The following KCNIP4 variants were observed in gnomAD, a reference collection of about 807,000 sequenced individuals.
The protein encoded by KCNIP4 is potassium voltage-gated channel interacting protein 4.
In KCNIP4, 12 loss-of-function variants were observed where a neutral mutation model predicts 34.0. That is an observed-to-expected ratio of 0.35 (90% CI 0.23 to 0.57). The LOEUF is 0.57. Among genes scored for constraint, KCNIP4 ranks in the 20% least tolerant of loss-of-function variants. The pLI is 0.83. For synonymous variants in KCNIP4, 124 were observed against 102.2 expected (o/e 1.21, Z -1.29); for missense variants, 238 against 311.7 (o/e 0.76, Z 1.78).
chr4:21,235,430 G>A (rs991040598), intron 1 of KCNIP4, among the ~76,000 whole-genome samples: 2 of 152,078 alleles, frequency 1.3e-5, no homozygotes, highest in African/African-American at 4.8e-5. Context: ...CATTTGGCGA[G>A]TGCTTCTGCT....
At chr4:21,091,283 G>GA (rs1746973461) in intron 1 of KCNIP4, among the ~76,000 whole-genome samples, 2 of 152,036 alleles carry the variant, frequency 1.3e-5, no homozygotes, top group South Asian at 4.1e-4. Context: ...AATATGGCAG[G>GA]AAAAATAAAA....
At chr4:21,255,800 G>T (rs984394893) in intron 1 of KCNIP4, among the ~76,000 whole-genome samples, 1 of 152,080 alleles carries the variant, frequency 6.6e-6, no homozygotes, top group East Asian at 1.9e-4. Context: ...ACATTGACGC[G>T]GTCCCCAATG....
intron 1 of KCNIP4, among the ~76,000 whole-genome samples, chr4:21,654,645 C>G (rs1041540173): frequency 6.6e-6 from 1 of 152,044 alleles, no homozygotes; most frequent in African/African-American, 2.4e-5. Context: ...AAAACTGGGC[C>G]GGGTATGGTG....
chr4:21,333,669 A>T (rs979063523), intron 1 of KCNIP4, among the ~76,000 whole-genome samples: 5 of 151,680 alleles, frequency 3.3e-5, no homozygotes, highest in African/African-American at 1.2e-4. Context: ...TAACCATTAA[A>T]TTTTTTTCCA....
chr4:21,675,147 T>A (rs1211619235), intron 1 of KCNIP4, among the ~76,000 whole-genome samples: 1 of 152,088 alleles, frequency 6.6e-6, no homozygotes, highest in African/African-American at 2.4e-5. Context: ...ATTTGTAACA[T>A]CAATAATGAA....
chr4:21,002,009 G>A (rs1738179683), intron 1 of KCNIP4, among the ~76,000 whole-genome samples: 1 of 152,136 alleles, frequency 6.6e-6, no homozygotes, highest in Non-Finnish European at 1.5e-5. Context: ...GGCCAACATT[G>A]TTTCTAGGAA....
chr4:21,325,022 T>C (rs761094665), intron 1 of KCNIP4, among the ~76,000 whole-genome samples: 2 of 151,908 alleles, frequency 1.3e-5, no homozygotes, highest in Non-Finnish European at 2.9e-5. Context: ...CTATTATAAA[T>C]GGGATTATTT....
At chr4:21,359,585 T>G (rs1298324599) in intron 1 of KCNIP4, among the ~76,000 whole-genome samples, 1 of 152,098 alleles carries the variant, frequency 6.6e-6, no homozygotes, top group Non-Finnish European at 1.5e-5. Context: ...TTTTTGGATA[T>G]TAAAAATAAA....
chr4:21,903,731 G>A (rs988097933), intron 1 of KCNIP4, among the ~76,000 whole-genome samples: 3 of 152,000 alleles, frequency 2.0e-5, no homozygotes, highest in African/African-American at 7.2e-5. Context: ...AATGGGAAAA[G>A]AACTATTGAA....
At chr4:21,167,547 T>G (rs1056164961) in intron 1 of KCNIP4, among the ~76,000 whole-genome samples, 23 of 152,194 alleles carry the variant, frequency 1.5e-4, no homozygotes, top group African/African-American at 4.6e-4. Flanking sequence ...ACATTTAACT[T>G]AAAAATTGTA....
intron 1 of KCNIP4, among the ~76,000 whole-genome samples, chr4:21,354,518 C>T (rs1039869279): frequency 1.3e-5 from 2 of 152,048 alleles, no homozygotes; most frequent in East Asian, 3.9e-4. Flanking sequence ...ATAAAATAGG[C>T]TTTAAACCAA....
At chr4:21,268,750 G>A (rs1253481805) in intron 1 of KCNIP4, among the ~76,000 whole-genome samples, 2 of 152,196 alleles carry the variant, frequency 1.3e-5, no homozygotes, top group East Asian at 3.8e-4. Flanking sequence ...TGTGCTAAGG[G>A]TTTTGATAGA....
chr4:20,960,924 T>C (rs1166262502), intron 1 of KCNIP4, among the ~76,000 whole-genome samples: 1 of 152,200 alleles, frequency 6.6e-6, no homozygotes, highest in Admixed American at 6.5e-5. Context: ...AGACTGATCA[T>C]GAGTAGGAGG....
intron 1 of KCNIP4, among the ~76,000 whole-genome samples, chr4:20,934,506 C>A (rs1730835454): frequency 6.6e-6 from 1 of 152,132 alleles, no homozygotes; most frequent in Non-Finnish European, 1.5e-5. Context: ...TTTTGCCTAT[C>A]TGTTTTTGGG....
chr4:21,222,730 T>C (rs1758069678), intron 1 of KCNIP4, among the ~76,000 whole-genome samples: 1 of 152,222 alleles, frequency 6.6e-6, no homozygotes, highest in South Asian at 2.1e-4. Context: ...CACTATTCTT[T>C]TTCCCTAGCA....
At chr4:21,797,146 T>C (rs954816987) in intron 1 of KCNIP4, among the ~76,000 whole-genome samples, 2 of 152,078 alleles carry the variant, frequency 1.3e-5, no homozygotes, top group African/African-American at 2.4e-5. Flanking sequence ...TCATTAATTC[T>C]ATTTATTTAT....
intron 1 of KCNIP4, among the ~76,000 whole-genome samples, chr4:21,534,944 C>T (rs1211148061): frequency 6.6e-6 from 1 of 152,108 alleles, no homozygotes; most frequent in Non-Finnish European, 1.5e-5. Flanking sequence ...AGGTCAAACT[C>T]AGGCATTCAA....
At chr4:21,318,031 T>A (rs1297039416) in intron 1 of KCNIP4, among the ~76,000 whole-genome samples, 2 of 152,182 alleles carry the variant, frequency 1.3e-5, no homozygotes, top group African/African-American at 4.8e-5. Flanking sequence ...GGAACTGTCT[T>A]TAAATCCGAT....
At position 21,111,207 on chromosome 4, in the gene KCNIP4, C is replaced by T. The variant is rs536547346; in HGVS notation, c.62-228498G>A. On this transcript the variant is annotated intron_variant, in intron 1 of 8. Transcript: ENST00000382152. ...TGGATGTTTCCCTGCTTTCAACAGT[C>T]GCCAAGGAAGAGAGAACATAGGAGA... Among the ~76,000 whole-genome samples, 11 of 152,220 alleles carry T rather than the reference C, an allele frequency of 7.2e-5. 1 individual carries two copies. In the South Asian group the frequency reaches 1.5e-3, roughly 20 times the overall value.
Sources: allele counts gnomAD v4.1 joint callset (sites outside exome capture counted in the v4.1 genomes callset), GRCh38; gene constraint gnomAD v4.1.1; transcripts MANE v1.5; gene names NCBI Gene and HGNC (gene_info 2026-07-23, HGNC 2026-07-21).